The following RBPJ variants were observed in gnomAD, a reference collection of about 807,000 sequenced individuals.
The protein encoded by RBPJ is recombining binding protein suppressor of hairless.
In RBPJ, 9 loss-of-function variants were observed where a neutral mutation model predicts 67.8. The observed-to-expected ratio is 0.13, with a 90% confidence interval of 0.08 to 0.23. The LOEUF is 0.23. RBPJ is among the 10% of genes least tolerant of loss of function. The pLI, the probability that RBPJ is intolerant of heterozygous loss-of-function variation, is 1.00. For missense variants in RBPJ, 305 were observed against 595.6 expected (o/e 0.51, Z 5.08); for synonymous variants, 198 against 203.3 (o/e 0.97, Z 0.22).
At chr4:26,113,758 TG>T in the RBPJ span, 1 of 261,072 alleles carries the variant, frequency 3.8e-6, no homozygotes. Flanking sequence ...GTAGTGAATG[TG>T]GGAAAACCTT....
intron 1 of RBPJ, among the ~76,000 whole-genome samples, chr4:26,232,484 C>T (rs1577498625): frequency 6.6e-6 from 1 of 152,138 alleles, no homozygotes; most frequent in African/African-American, 2.4e-5. Context: ...CAAAGTCCTC[C>T]TAGGGTTACA....
chr4:26,109,413 T>C, the RBPJ span, among the ~76,000 whole-genome samples: 3 of 19,158 alleles, frequency 1.6e-4, no homozygotes, highest in Admixed American at 2.4e-3. Flanking sequence ...TCCACCTTCC[T>C]CTCTCTCTCT....
At chr4:26,221,555 A>G (rs760662038) in intron 1 of RBPJ, among the ~76,000 whole-genome samples, 9 of 152,234 alleles carry the variant, frequency 5.9e-5, no homozygotes, top group Non-Finnish European at 1.3e-4. Flanking sequence ...CAGCATAGGT[A>G]TAGAATGAGA....
At chr4:26,374,947 A>G (rs189375646) in intron 1 of RBPJ, among the ~76,000 whole-genome samples, 42 of 152,268 alleles carry the variant, frequency 2.8e-4, no homozygotes, top group African/African-American at 9.4e-4. Context: ...GAACTTGTGC[A>G]AGGTAGTTTC....
chr4:26,319,537 C>T (rs569864516), upstream of RBPJ: 125 of 247,578 alleles, frequency 5.0e-4, 1 homozygote, highest in South Asian at 9.8e-3. Context: ...GCGCCCGGAG[C>T]TGGTCTAGGC....
intron 3 of RBPJ, chr4:26,410,254 C>A (rs781026674): frequency 5.7e-6 from 1 of 174,956 alleles, no homozygotes; most frequent in Non-Finnish European, 1.2e-5. Flanking sequence ...TGATCACAGT[C>A]CTCTTGGCTG....
chr4:26,235,095 TGATAG>T (rs1252484925), intron 1 of RBPJ, among the ~76,000 whole-genome samples: 1 of 152,116 alleles, frequency 6.6e-6, no homozygotes, highest in Non-Finnish European at 1.5e-5. Context: ...CCTTAGCAGG[TGATAG>T]AGTACCTGGC....
At chr4:26,177,401 C>A (rs1165912546) in intron 1 of RBPJ, among the ~76,000 whole-genome samples, 1 of 152,110 alleles carries the variant, frequency 6.6e-6, no homozygotes, top group Non-Finnish European at 1.5e-5. Context: ...CATGGTGAAA[C>A]CCCATCTCTA....
chr4:26,229,335 T>C, intron 1 of RBPJ, among the ~76,000 whole-genome samples: 1 of 152,166 alleles, frequency 6.6e-6, no homozygotes. Flanking sequence ...TATCAGTGTG[T>C]ATGATCTATG....
upstream of RBPJ, among the ~76,000 whole-genome samples, chr4:26,318,116 AACAC>A (rs201135772): frequency 4.6e-5 from 7 of 151,124 alleles, no homozygotes; most frequent in East Asian, 1.9e-4. Flanking sequence ...GGCAAACACA[AACAC>A]ACACACACGC....
At chr4:26,236,477 A>C (rs768049484) in intron 1 of RBPJ, among the ~76,000 whole-genome samples, 4 of 152,116 alleles carry the variant, frequency 2.6e-5, no homozygotes, top group Non-Finnish European at 5.9e-5. Flanking sequence ...ATTCATCTGA[A>C]AGCCTGACTG....
At chr4:26,285,427 G>T (rs1158315133) in intron 1 of RBPJ, among the ~76,000 whole-genome samples, 2 of 151,828 alleles carry the variant, frequency 1.3e-5, no homozygotes, top group Non-Finnish European at 2.9e-5. Context: ...TTTCATTCCT[G>T]CCACCTCTAG....
At chr4:26,307,527 G>A (rs1434436263) in intron 1 of RBPJ, among the ~76,000 whole-genome samples, 2 of 152,216 alleles carry the variant, frequency 1.3e-5, no homozygotes, top group Non-Finnish European at 2.9e-5. Flanking sequence ...GTTTGCTGGT[G>A]AAGGAAAATA....
At chr4:26,392,792 T>C (rs2109670050) in intron 2 of RBPJ, among the ~76,000 whole-genome samples, 1 of 152,356 alleles carries the variant, frequency 6.6e-6, no homozygotes, top group East Asian at 1.9e-4. Flanking sequence ...TAAATAAGTG[T>C]ATTTTACTAT....
At chr4:26,338,322 A>G (rs1221798479) in intron 1 of RBPJ, among the ~76,000 whole-genome samples, 2 of 150,902 alleles carry the variant, frequency 1.3e-5, no homozygotes, top group African/African-American at 4.9e-5. Context: ...TGCCCAGCTA[A>G]TTTTTGTATT....
intron 1 of RBPJ, among the ~76,000 whole-genome samples, chr4:26,360,469 T>C (rs953099166): frequency 6.6e-6 from 1 of 152,104 alleles, no homozygotes; most frequent in African/African-American, 2.4e-5. Flanking sequence ...GCTTTGGTGG[T>C]AAAGTGATGA....
At chr4:26,421,872 A>G (rs1413624193) in intron 5 of RBPJ, among the ~76,000 whole-genome samples, 2 of 152,124 alleles carry the variant, frequency 1.3e-5, no homozygotes, top group East Asian at 1.9e-4. Context: ...CAGATTTATC[A>G]GATTGACCCA....
chr4:26,248,141 A>C (rs1560228254), intron 1 of RBPJ, among the ~76,000 whole-genome samples: 1 of 152,072 alleles, frequency 6.6e-6, no homozygotes. Flanking sequence ...AAATACAAAA[A>C]TTAGCCAGGT....
chr4:26,142,260 G>A, the RBPJ span, among the ~76,000 whole-genome samples: 3 of 152,202 alleles, frequency 2.0e-5, no homozygotes, highest in Non-Finnish European at 4.4e-5. Context: ...AGAACACGGA[G>A]TCTCCCAGAA....
Sources: gnomAD v4.1 joint callset for allele counts (sites outside exome capture counted in the v4.1 genomes callset) on GRCh38, gnomAD v4.1.1 for gene constraint, MANE v1.5 for transcripts, NCBI Gene and HGNC (gene_info 2026-07-23, HGNC 2026-07-21) for gene names.